DMD: variants seen among roughly 807,000 people sequenced by gnomAD.
The protein encoded by DMD is dystrophin.
A neutral mutation model predicts 330.1 loss-of-function variants in DMD; 63 were observed. That is an observed-to-expected ratio of 0.19 (90% CI 0.16 to 0.24). DMD has a LOEUF of 0.24. Ranked by LOEUF, DMD falls within the 10% of genes least tolerant of loss-of-function variation. The probability of loss-of-function intolerance (pLI) is 1.00; values close to 1 mark genes in which losing one functional copy is unlikely to be tolerated. For missense variants in DMD, 3,344 were observed against 2,684.1 expected, an observed-to-expected ratio of 1.25 and a Z score of -5.43; for synonymous variants, 1,223 against 959.8, an observed-to-expected ratio of 1.27 and a Z score of -5.07.
intron 63 of DMD, among the ~76,000 whole-genome samples, chrX:31,240,821 A>G (rs2048189799): frequency 8.9e-6 from 1 of 112,027 alleles, no homozygotes; most frequent in Non-Finnish European, 1.9e-5. Context: ...CATTTTATAA[A>G]TAAGGAAACC....
intron 30 of DMD, among the ~76,000 whole-genome samples, chrX:32,404,880 T>C (rs559381548): frequency 9.0e-6 from 1 of 111,493 alleles, no homozygotes; most frequent in African/African-American, 3.2e-5. Context: ...AACATCTATA[T>C]TGAACATTCT....
Position 32,039,127 on chromosome X carries a change from G to C in DMD, c.6439-70613C>G, listed in dbSNP as rs189235751. Among the ~76,000 whole-genome samples the C allele has an allele frequency of 3.4e-3, 379 of 110,931 alleles. 2 individuals carry two copies. The highest frequency in any genetic ancestry group is 0.012 in the African/African-American group (367 of 30,569). ...ATAATGGCAATCCAATGTAAAGGAG[G>C]GGGGGATATTTATTCCAGGAAAAAC... On this transcript the variant is annotated intron_variant, in intron 44 of 78. Transcript: ENST00000357033.
intron 44 of DMD, among the ~76,000 whole-genome samples, chrX:32,082,010 CAGG>C: frequency 9.0e-6 from 1 of 111,225 alleles, no homozygotes; most frequent in South Asian, 3.8e-4. Flanking sequence ...ATTTGGCTGT[CAGG>C]AGTTGTGTTT....
chrX:31,283,353 G>A (rs1169946463), intron 62 of DMD, among the ~76,000 whole-genome samples: 1 of 111,459 alleles, frequency 9.0e-6, no homozygotes, highest in Non-Finnish European at 1.9e-5. Context: ...TACAAATGTA[G>A]TCATTATCGT....
At chrX:31,194,209 A>G (rs1452568758) in intron 67 of DMD, among the ~76,000 whole-genome samples, 1 of 111,438 alleles carries the variant, frequency 9.0e-6, no homozygotes, top group East Asian at 2.8e-4. Context: ...TCATGAAAGG[A>G]AAACAAAATG....
chrX:31,339,938 G>A (rs1236655486), intron 61 of DMD, among the ~76,000 whole-genome samples: 1 of 112,575 alleles, frequency 8.9e-6, no homozygotes, highest in Non-Finnish European at 1.9e-5. Flanking sequence ...ATTTCAAATT[G>A]TCTGTCCCCT....
intron 7 of DMD, among the ~76,000 whole-genome samples, chrX:32,762,897 T>A (rs2072501808): frequency 8.9e-6 from 1 of 111,992 alleles, no homozygotes. Context: ...AGAGACTGCT[T>A]AGGAAGTTAC....
intron 61 of DMD, 43 bp downstream of exon 61, chrX:31,348,513 A>C (rs1157416012): frequency 6.6e-6 from 7 of 1,068,548 alleles, no homozygotes; most frequent in Non-Finnish European, 9.1e-6. Flanking sequence ...CTTATTAATC[A>C]AGATGCAATA....
At chrX:32,887,745 CAAAAAAAAA>C (rs771100080) in intron 2 of DMD, among the ~76,000 whole-genome samples, 133 of 6,485 alleles carry the variant, frequency 0.021, 1 homozygote, top group Admixed American at 0.025. Flanking sequence ...AAGACTGTCT[CAAAAAAAAA>C]AAAAAAAAAA....
At chrX:33,066,975 A>G (rs766591902) in intron 1 of DMD, among the ~76,000 whole-genome samples, 2 of 112,229 alleles carry the variant, frequency 1.8e-5, no homozygotes, top group East Asian at 5.6e-4. Flanking sequence ...AATTATTTTC[A>G]GGGAATTCGT....
At chrX:33,096,006 G>A (rs1182093792) in intron 1 of DMD, among the ~76,000 whole-genome samples, 3 of 74,380 alleles carry the variant, frequency 4.0e-5, no homozygotes, top group Admixed American at 2.4e-4. Flanking sequence ...ATGGAGTCTC[G>A]CTCTGTCACC....
At position 31,618,288 on chromosome X, in the gene DMD, G is replaced by A. The variant is rs2078332871; in HGVS notation, c.8217+9385C>T. Among the ~76,000 whole-genome samples, 3 of 110,220 alleles carry A rather than the reference G, an allele frequency of 2.7e-5. No homozygotes were observed. The South Asian group carries it at 1.2e-3, about 43-fold the overall frequency. On this transcript the variant is annotated intron_variant, in intron 55 of 78. Transcript: ENST00000357033. ...AGGAATGAGTGCTTAGAGAGACAAG[G>A]AGACAATTAGTATAATATATCACCC...
chrX:31,938,870 A>T (rs768583885), intron 45 of DMD, among the ~76,000 whole-genome samples: 82 of 111,645 alleles, frequency 7.3e-4, no homozygotes, highest in Non-Finnish European at 1.5e-3. Flanking sequence ...TGCAATTGTG[A>T]TGTCATACAA....
chrX:32,635,730 C>T (rs1201639466), intron 11 of DMD, among the ~76,000 whole-genome samples: 1 of 111,646 alleles, frequency 9.0e-6, no homozygotes, highest in Non-Finnish European at 1.9e-5. Flanking sequence ...AGATTTATAA[C>T]GTTTATCAAA....
chrX:31,794,075 T>C (rs956421619), intron 50 of DMD, among the ~76,000 whole-genome samples: 17 of 111,742 alleles, frequency 1.5e-4, no homozygotes, highest in African/African-American at 4.5e-4. Context: ...CATTGTATTA[T>C]CTGAGACTAC....
At chrX:31,183,006 G>C (rs913351226) in intron 67 of DMD, 102 bp from the exon 68 acceptor site, 2 of 704,977 alleles carry the variant, frequency 2.8e-6, no homozygotes, top group African/African-American at 4.5e-5. Context: ...AAGTTAAACA[G>C]AAAAGATAGA....
chrX:31,407,365 T>C (rs894194645), intron 60 of DMD, among the ~76,000 whole-genome samples: 3 of 110,439 alleles, frequency 2.7e-5, no homozygotes, highest in African/African-American at 9.9e-5. Context: ...AGGGTTTCAC[T>C]ATGTTGGCCA....
At chrX:31,945,739 C>A (rs1230769202) in intron 45 of DMD, among the ~76,000 whole-genome samples, 1 of 111,715 alleles carries the variant, frequency 9.0e-6, no homozygotes, top group Non-Finnish European at 1.9e-5. Context: ...CTTTCACTTT[C>A]AGAACTTTCA....
At chrX:32,254,793 C>T (rs7065226) in intron 43 of DMD, among the ~76,000 whole-genome samples, 19,022 of 111,357 alleles carry the variant, frequency 0.17, 1,344 homozygotes, top group African/African-American at 0.24. Context: ...AATAGGAATA[C>T]AGATTTATAT....
Sources: allele counts gnomAD v4.1 joint callset (sites outside exome capture counted in the v4.1 genomes callset), GRCh38; gene constraint gnomAD v4.1.1; transcripts MANE v1.5; gene names NCBI Gene and HGNC (gene_info 2026-07-23, HGNC 2026-07-21).